Variants in CYP2C18 observed in about 807,000 individuals in gnomAD.
CYP2C18 encodes cytochrome P450 2C18.
A neutral mutation model predicts 41.3 loss-of-function variants in CYP2C18; 38 were observed. The observed-to-expected ratio is 0.92, with a 90% confidence interval of 0.71 to 1.21. CYP2C18 has a LOEUF of 1.21. Among genes scored for constraint, CYP2C18 ranks in the 50% most tolerant of loss-of-function variants. CYP2C18 has a pLI of 0.00. For missense variants in CYP2C18, 635 were observed against 591.4 expected, an observed-to-expected ratio of 1.07 and a Z score of -0.77; for synonymous variants, 236 against 210.0, an observed-to-expected ratio of 1.12 and a Z score of -1.07.
rs1847907295 is a variant in CYP2C18 at position 94,735,566 on chromosome 10, C to T, written c.*122C>T. ...CTCTGACTTGTCAATCCACATCTTC[C>T]CATTCCCTCAAGATCCAATGAACAT... On this transcript the variant is annotated 3_prime_UTR_variant, in exon 9 of 9. Coordinates refer to ENST00000285979, the MANE Select transcript of CYP2C18 (RefSeq NM_000772.3). 6.1e-6 allele frequency: 6 copies of T among 980,688 alleles called. No homozygotes were observed. The highest frequency in any genetic ancestry group is 7.7e-6 in the Non-Finnish European group (5 of 645,330). 60.7% of individuals were successfully genotyped at this position (980,688 alleles called of 1,614,324 possible). A position where few individuals can be genotyped will look rare whatever the true frequency, so the allele number is the denominator to read the frequency against.
chr10:94,700,924 A>T (rs1016671611), intron 4 of CYP2C18, among the ~76,000 whole-genome samples: 1 of 152,210 alleles, frequency 6.6e-6, no homozygotes. Context: ...ATGAGATACC[A>T]TCTCACACCA....
At chr10:94,713,899 G>T (rs1847492452) in intron 5 of CYP2C18, among the ~76,000 whole-genome samples, 1 of 152,178 alleles carries the variant, frequency 6.6e-6, no homozygotes. Flanking sequence ...GTATCTCATT[G>T]TGGTTTTGAT....
intron 7 of CYP2C18, among the ~76,000 whole-genome samples, chr10:94,729,503 T>G (rs542568610): frequency 6.6e-6 from 1 of 152,190 alleles, no homozygotes; most frequent in East Asian, 1.9e-4. Context: ...AACAAAATTT[T>G]CTGCTTCTCC....
At chr10:94,722,511 A>G (rs905213805) in intron 6 of CYP2C18, among the ~76,000 whole-genome samples, 2 of 152,140 alleles carry the variant, frequency 1.3e-5, no homozygotes, top group Admixed American at 6.6e-5. Flanking sequence ...AGATAGAAGG[A>G]TGATAACCAA....
At chr10:94,725,541 A>G (rs897844447) in intron 7 of CYP2C18, among the ~76,000 whole-genome samples, 1 of 152,096 alleles carries the variant, frequency 6.6e-6, no homozygotes, top group Admixed American at 6.6e-5. Context: ...TGTTTCATAT[A>G]TGATGTTCAG....
chr10:94,726,850 G>A (rs947804406), intron 7 of CYP2C18, among the ~76,000 whole-genome samples: 3 of 152,042 alleles, frequency 2.0e-5, no homozygotes, highest in Non-Finnish European at 4.4e-5. Context: ...AGTACATATT[G>A]CCATTATAAA....
chr10:94,725,872 T>C (rs1245890972), intron 7 of CYP2C18, among the ~76,000 whole-genome samples: 1 of 152,152 alleles, frequency 6.6e-6, no homozygotes, highest in Non-Finnish European at 1.5e-5. Flanking sequence ...GCAATTTTTC[T>C]TCCTCAAAAT....
chr10:94,728,662 T>C (rs572534037), intron 7 of CYP2C18: 78 of 916,230 alleles, frequency 8.5e-5, no homozygotes, highest in Non-Finnish European at 9.7e-5. Context: ...CTTGTTGATA[T>C]CATCTCAGAA....
intron 8 of CYP2C18, 33 bp from the exon 9 acceptor site, chr10:94,735,230 A>G: frequency 6.2e-7 from 1 of 1,605,648 alleles, no homozygotes; most frequent in Non-Finnish European, 8.5e-7. Context: ...CCTAATGTTC[A>G]AGGAACAAAT....
intron 4 of CYP2C18, among the ~76,000 whole-genome samples, chr10:94,695,314 C>T (rs1333730330): frequency 6.6e-6 from 1 of 151,946 alleles, no homozygotes; most frequent in Non-Finnish European, 1.5e-5. Flanking sequence ...CCCAACAGGC[C>T]CTGGTGTGTG....
At chr10:94,690,870 A>G (rs1373609420) in intron 3 of CYP2C18, among the ~76,000 whole-genome samples, 3 of 152,252 alleles carry the variant, frequency 2.0e-5, no homozygotes, top group African/African-American at 7.2e-5. Flanking sequence ...CTGGTCCAAC[A>G]TATGAAAATC....
At chr10:94,718,662 T>C (rs1257079813) in intron 5 of CYP2C18, among the ~76,000 whole-genome samples, 1 of 152,000 alleles carries the variant, frequency 6.6e-6, no homozygotes, top group Non-Finnish European at 1.5e-5. Flanking sequence ...ACAAGTCTCA[T>C]CCAGGCAGAA....
intron 5 of CYP2C18, among the ~76,000 whole-genome samples, chr10:94,713,193 T>A (rs879094206): frequency 1.3e-5 from 2 of 152,200 alleles, no homozygotes; most frequent in South Asian, 2.1e-4. Flanking sequence ...TTTCTTTTTT[T>A]AATTATACTT....
intron 7 of CYP2C18, 52 bp downstream of exon 7, chr10:94,724,585 T>C: frequency 6.6e-7 from 1 of 1,508,966 alleles, no homozygotes; most frequent in Non-Finnish European, 9.2e-7. Context: ...GTCCCCAAAT[T>C]CATAGTATAG....
At chr10:94,688,092 C>T in intron 2 of CYP2C18, 33 bp from the exon 3 acceptor site, 2 of 1,612,804 alleles carry the variant, frequency 1.2e-6, no homozygotes, top group Non-Finnish European at 1.7e-6. Flanking sequence ...TGTTTGGATT[C>T]TCCCTCGTAG....
chr10:94,700,353 A>T (rs1847213162), intron 4 of CYP2C18, among the ~76,000 whole-genome samples: 1 of 152,216 alleles, frequency 6.6e-6, no homozygotes, highest in African/African-American at 2.4e-5. Flanking sequence ...TCTTTGACAA[A>T]CCTGACAAAA....
intron 4 of CYP2C18, among the ~76,000 whole-genome samples, chr10:94,699,487 A>T (rs1847190790): frequency 6.6e-6 from 1 of 152,210 alleles, no homozygotes; most frequent in Non-Finnish European, 1.5e-5. Context: ...TCTGAAAATA[A>T]TAAGAGCTAT....
In CYP2C18 at chr10:94,736,036, C is replaced by T. The variant is rs1326830; in HGVS notation, c.*592C>T. 1 of 152,164 alleles carries T rather than the reference C, an allele frequency of 6.6e-6. No homozygotes were observed. The highest frequency in any genetic ancestry group is 2.1e-4 in the South Asian group (1 of 4,828). The allele number at this position is 152,164 out of a possible 1,614,324, so 9.4% of individuals were successfully genotyped here. On this transcript the variant is annotated 3_prime_UTR_variant, in exon 9 of 9. Coordinates refer to ENST00000285979, the MANE Select transcript of CYP2C18 (RefSeq NM_000772.3). ...AGCAGCTGTAACCTGTAGGGAAATA[C>T]TGGAACAATCATCCATAAGAGGGAT...
intron 4 of CYP2C18, among the ~76,000 whole-genome samples, chr10:94,695,695 C>T (rs1343776080): frequency 2.6e-5 from 4 of 151,880 alleles, no homozygotes; most frequent in Non-Finnish European, 4.4e-5. Flanking sequence ...ATTGCCTCAC[C>T]CGGGAAGCAC....
Sources: allele counts gnomAD v4.1 joint callset (sites outside exome capture counted in the v4.1 genomes callset), GRCh38; gene constraint gnomAD v4.1.1; transcripts MANE v1.5; gene names NCBI Gene and HGNC (gene_info 2026-07-23, HGNC 2026-07-21).